The following SGCZ variants were observed in gnomAD, a reference collection of about 807,000 sequenced individuals.
SGCZ encodes the protein zeta-sarcoglycan.
A neutral mutation model predicts 41.3 loss-of-function variants in SGCZ; 40 were observed. The ratio of observed to expected loss-of-function variants is 0.97; its 90% CI spans 0.75 to 1.26. The LOEUF is 1.26. Among genes scored for constraint, SGCZ ranks in the 50% most tolerant of loss-of-function variants. The pLI is 0.00. For synonymous variants in SGCZ, 206 were observed against 137.5 expected (o/e 1.50, Z -3.49); for missense variants, 552 against 369.8 (o/e 1.49, Z -4.04).
At chr8:14,665,475 G>A (rs1387033992) in intron 1 of SGCZ, among the ~76,000 whole-genome samples, 2 of 152,096 alleles carry the variant, frequency 1.3e-5, no homozygotes, top group African/African-American at 2.4e-5. Context: ...GTAAACATAC[G>A]TGTGCGTGTC....
intron 1 of SGCZ, among the ~76,000 whole-genome samples, chr8:14,799,290 T>C (rs1023901448): frequency 2.0e-5 from 3 of 152,202 alleles, no homozygotes; most frequent in African/African-American, 7.2e-5. Flanking sequence ...TATTTTTCTA[T>C]TCTAGTTATA....
chr8:15,198,820 T>C (rs558638368), intron 1 of SGCZ, among the ~76,000 whole-genome samples: 1 of 152,316 alleles, frequency 6.6e-6, no homozygotes, highest in East Asian at 1.9e-4. Flanking sequence ...TCAAGCCTCA[T>C]GTGACTCTAT....
intron 2 of SGCZ, among the ~76,000 whole-genome samples, chr8:14,394,106 C>T (rs948101766): frequency 2.7e-5 from 4 of 150,792 alleles, no homozygotes; most frequent in Admixed American, 6.6e-5. Flanking sequence ...ACTGCTGTGT[C>T]CTGAACTACT....
intron 3 of SGCZ, among the ~76,000 whole-genome samples, chr8:14,277,285 T>C (rs775758843): frequency 3.9e-5 from 6 of 152,198 alleles, no homozygotes; most frequent in Non-Finnish European, 8.8e-5. Flanking sequence ...AAGAGATTGC[T>C]AATTGGGTCA....
intron 3 of SGCZ, among the ~76,000 whole-genome samples, chr8:14,307,303 T>C (rs553345566): frequency 6.6e-6 from 1 of 152,284 alleles, no homozygotes; most frequent in Admixed American, 6.6e-5. Flanking sequence ...TTCAGAGTGG[T>C]GCCAGGGTCA....
intron 7 of SGCZ, among the ~76,000 whole-genome samples, chr8:14,097,527 A>G (rs1406449417): frequency 6.6e-6 from 1 of 152,158 alleles, no homozygotes; most frequent in Non-Finnish European, 1.5e-5. Context: ...GGTCATTGTT[A>G]GAATAAGTGA....
At chr8:14,386,366 G>T (rs889191839) in intron 2 of SGCZ, among the ~76,000 whole-genome samples, 1 of 150,848 alleles carries the variant, frequency 6.6e-6, no homozygotes, top group East Asian at 1.9e-4. Flanking sequence ...CATAAAACTG[G>T]TTGTGGTCCA....
chr8:14,439,723 A>C (rs1408748147), intron 2 of SGCZ, among the ~76,000 whole-genome samples: 1 of 151,986 alleles, frequency 6.6e-6, no homozygotes, highest in Non-Finnish European at 1.5e-5. Context: ...AAATTAACAC[A>C]AATTTGTGGT....
chr8:14,390,145 C>T (rs999901067), intron 2 of SGCZ, among the ~76,000 whole-genome samples: 4 of 151,784 alleles, frequency 2.6e-5, no homozygotes, highest in African/African-American at 9.7e-5. Flanking sequence ...TTATTTAGGA[C>T]ATAGAATTTG....
At chr8:14,926,365 T>C (rs1799749910) in intron 1 of SGCZ, among the ~76,000 whole-genome samples, 1 of 152,202 alleles carries the variant, frequency 6.6e-6, no homozygotes, top group Non-Finnish European at 1.5e-5. Context: ...GTTGATAAGG[T>C]AAATACTTAT....
chr8:14,755,332 T>C (rs1161138177), intron 1 of SGCZ, among the ~76,000 whole-genome samples: 1 of 152,186 alleles, frequency 6.6e-6, no homozygotes, highest in Non-Finnish European at 1.5e-5. Flanking sequence ...TTCTATTTGT[T>C]GTTATTGAAC....
chr8:14,593,437 A>T (rs28415925), intron 1 of SGCZ, among the ~76,000 whole-genome samples: 80,319 of 152,056 alleles, frequency 0.53, 21,767 homozygotes, highest in Non-Finnish European at 0.61. Flanking sequence ...ACGGTAACAG[A>T]ATAGATCTGT....
At chr8:14,464,795 T>G (rs541235389) in intron 2 of SGCZ, among the ~76,000 whole-genome samples, 1 of 151,692 alleles carries the variant, frequency 6.6e-6, no homozygotes, top group African/African-American at 2.4e-5. Flanking sequence ...TCTATTTCCA[T>G]TCACCTCTAA....
intron 1 of SGCZ, among the ~76,000 whole-genome samples, chr8:15,040,364 C>T (rs2130975904): frequency 6.6e-6 from 1 of 152,258 alleles, no homozygotes; most frequent in Non-Finnish European, 1.5e-5. Flanking sequence ...CCTGTAATCC[C>T]AGCACTTTGA....
In SGCZ at chr8:15,051,501, T is replaced by C. The variant is rs1267465775; in HGVS notation, c.39+186084A>G. 3.9e-5 allele frequency among the ~76,000 whole-genome samples: 6 copies of C among 152,164 alleles called. No homozygotes were observed. The East Asian group carries it at 7.7e-4, about 20-fold the overall frequency. On this transcript the variant is annotated intron_variant, in intron 1 of 7. Coordinates refer to ENST00000382080, the MANE Select transcript of SGCZ (RefSeq NM_139167.4). Reference sequence around the variant, plus strand: ...TCTCATACATCTCTTGGTGGACATATGCGTATATTTTCCTTGAGTACATAC... The same window carrying C: ...TCTCATACATCTCTTGGTGGACATACGCGTATATTTTCCTTGAGTACATAC...
chr8:14,703,124 C>T (rs567939412), intron 1 of SGCZ, among the ~76,000 whole-genome samples: 26 of 152,082 alleles, frequency 1.7e-4, no homozygotes, highest in African/African-American at 5.5e-4. Flanking sequence ...TTTAAAGATA[C>T]ATCACATGAT....
intron 3 of SGCZ, among the ~76,000 whole-genome samples, chr8:14,317,883 G>A (rs563167273): frequency 8.6e-5 from 13 of 151,682 alleles, no homozygotes; most frequent in African/African-American, 2.4e-4. Context: ...ACTTCACAAC[G>A]GATTATTAAG....
chr8:14,886,397 GA>G (rs374404631), intron 1 of SGCZ, among the ~76,000 whole-genome samples: 1 of 152,186 alleles, frequency 6.6e-6, no homozygotes, highest in African/African-American at 2.4e-5. Context: ...AAGCTAAGGG[GA>G]AGCAAAATAT....
chr8:14,995,245 G>T (rs1295749554), intron 1 of SGCZ, among the ~76,000 whole-genome samples: 1 of 152,270 alleles, frequency 6.6e-6, no homozygotes, highest in African/African-American at 2.4e-5. Context: ...CTCTGTGCAG[G>T]ATGGATTAGA....
Sources: gnomAD v4.1 joint callset for allele counts (sites outside exome capture counted in the v4.1 genomes callset) on GRCh38, gnomAD v4.1.1 for gene constraint, MANE v1.5 for transcripts, NCBI Gene and HGNC (gene_info 2026-07-23, HGNC 2026-07-21) for gene names.